Variants in DAB1 observed in about 807,000 individuals in gnomAD.
The protein encoded by DAB1 is disabled homolog 1.
A neutral mutation model predicts 64.6 loss-of-function variants in DAB1; 15 were observed. The observed-to-expected ratio is 0.23, with a 90% CI of 0.16 to 0.36. The LOEUF is 0.36. Ranked by LOEUF, DAB1 falls within the 10% of genes least tolerant of loss-of-function variation. DAB1 has a pLI of 1.00. For missense variants in DAB1, 596 were observed against 706.7 expected (o/e 0.84, Z 1.78); for synonymous variants, 235 against 251.9 (o/e 0.93, Z 0.64).
chr1:57,786,591 C>G (rs1379438173), intron 6 of DAB1, among the ~76,000 whole-genome samples: 1 of 152,186 alleles, frequency 6.6e-6, no homozygotes, highest in Non-Finnish European at 1.5e-5. Flanking sequence ...TTGCTTGACA[C>G]TGTTCATTAG....
At chr1:58,070,395 A>G (rs1267707240) in intron 5 of DAB1, among the ~76,000 whole-genome samples, 1 of 152,108 alleles carries the variant, frequency 6.6e-6, no homozygotes, top group African/African-American at 2.4e-5. Context: ...CATCACAACA[A>G]CCCCATGAGA....
At chr1:57,278,099 G>C (rs1398947464) in intron 2 of DAB1, among the ~76,000 whole-genome samples, 2 of 152,164 alleles carry the variant, frequency 1.3e-5, no homozygotes, top group Non-Finnish European at 2.9e-5. Context: ...CTTTCACTGG[G>C]GTTTTATTTG....
intron 1 of DAB1, among the ~76,000 whole-genome samples, chr1:58,544,220 C>T (rs1178633709): frequency 6.6e-6 from 1 of 152,092 alleles, no homozygotes; most frequent in Non-Finnish European, 1.5e-5. Context: ...CGACCTTAAC[C>T]AAACATTCAG....
intron 9 of DAB1, among the ~76,000 whole-genome samples, chr1:57,057,182 A>G (rs921223260): frequency 2.6e-5 from 4 of 152,184 alleles, no homozygotes; most frequent in Non-Finnish European, 5.9e-5. Context: ...GATAATGGCC[A>G]AAAGTAGAGA....
intron 7 of DAB1, among the ~76,000 whole-genome samples, chr1:57,615,267 T>C (rs1226752491): frequency 6.6e-6 from 1 of 152,230 alleles, no homozygotes; most frequent in African/African-American, 2.4e-5. Flanking sequence ...CGTGTCCACA[T>C]GACTAAGTTC....
chr1:57,071,436 C>A, intron 6 of DAB1, 86 bp downstream of exon 6: 1 of 1,455,786 alleles, frequency 6.9e-7, no homozygotes, highest in South Asian at 1.3e-5. Flanking sequence ...TACTTGGCAG[C>A]AGGAAGAGAA....
At chr1:57,312,850 C>T (rs1234053558) in intron 1 of DAB1, among the ~76,000 whole-genome samples, 11 of 152,076 alleles carry the variant, frequency 7.2e-5, no homozygotes, top group Non-Finnish European at 1.5e-5. Flanking sequence ...TGTTTCTCCA[C>T]TTGCTCATTA....
At chr1:58,205,783 A>G (rs1438285771) in intron 4 of DAB1, among the ~76,000 whole-genome samples, 3 of 151,966 alleles carry the variant, frequency 2.0e-5, no homozygotes, top group African/African-American at 7.3e-5. Context: ...AAAGACCAAG[A>G]TTGTGCATAG....
Position 58,088,737 on chromosome 1 carries a change from G to C in DAB1, n.387+61774C>G, listed in dbSNP as rs149970922. Among the ~76,000 whole-genome samples the C allele has an allele frequency of 8.3e-3, 1,262 of 152,218 alleles. 23 individuals carry two copies. The highest frequency in any genetic ancestry group is 0.026 in the African/African-American group (1,100 of 41,520). ...GCATACCATCCAAGCACAGTGCCAG[G>C]CATTAGGAAAGGGTGTCAAATAAGA... On this transcript the variant is annotated intron_variant and non_coding_transcript_variant, in intron 5 of 20. Coordinates refer to the DAB1 transcript ENST00000485760.
intron 6 of DAB1, among the ~76,000 whole-genome samples, chr1:57,658,902 C>T (rs1646350822): frequency 6.6e-6 from 1 of 152,168 alleles, no homozygotes; most frequent in Non-Finnish European, 1.5e-5. Context: ...GACTATGGAC[C>T]TCTCAGTTGT....
chr1:58,093,100 G>A (rs1315966600), intron 5 of DAB1, among the ~76,000 whole-genome samples: 1 of 152,132 alleles, frequency 6.6e-6, no homozygotes, highest in South Asian at 2.1e-4. Context: ...TTTGCTGGGA[G>A]CGCCAGACTA....
chr1:57,366,431 C>T (rs1680001240), intron 1 of DAB1, among the ~76,000 whole-genome samples: 1 of 152,094 alleles, frequency 6.6e-6, no homozygotes, highest in Non-Finnish European at 1.5e-5. Context: ...TCAGTAAGTC[C>T]CCTGGAGCAA....
intron 3 of DAB1, among the ~76,000 whole-genome samples, chr1:58,410,718 G>T (rs990373426): frequency 6.6e-6 from 1 of 152,032 alleles, no homozygotes; most frequent in Non-Finnish European, 1.5e-5. Flanking sequence ...CTATTCCTGC[G>T]CTTAGAAGTA....
At chr1:57,769,162 C>T (rs1649451155) in intron 6 of DAB1, among the ~76,000 whole-genome samples, 1 of 152,104 alleles carries the variant, frequency 6.6e-6, no homozygotes, top group African/African-American at 2.4e-5. Flanking sequence ...AAAATGAATG[C>T]ACGAAATAAC....
chr1:58,482,523 G>C (rs1645505443), intron 3 of DAB1, among the ~76,000 whole-genome samples: 1 of 151,772 alleles, frequency 6.6e-6, no homozygotes, highest in Non-Finnish European at 1.5e-5. Context: ...GACATTTAGG[G>C]GAAAAAGCTA....
At chr1:58,020,613 T>TA (rs1646801672) in intron 5 of DAB1, among the ~76,000 whole-genome samples, 2 of 151,790 alleles carry the variant, frequency 1.3e-5, no homozygotes, top group Non-Finnish European at 2.9e-5. Flanking sequence ...GCAGGTTCTG[T>TA]AAAAAAAAGT....
At chr1:58,219,760 T>G (rs370748205) in intron 4 of DAB1, among the ~76,000 whole-genome samples, 119 of 152,334 alleles carry the variant, frequency 7.8e-4, no homozygotes, top group African/African-American at 2.6e-3. Context: ...CTGTTACAAA[T>G]GATCACTGCA....
chr1:57,754,820 T>C (rs924918059), intron 6 of DAB1, among the ~76,000 whole-genome samples: 1 of 152,186 alleles, frequency 6.6e-6, no homozygotes, highest in African/African-American at 2.4e-5. Context: ...TATATCTGAC[T>C]CCAGGCCTCC....
chr1:58,171,172 A>G (rs1363376370), intron 4 of DAB1, among the ~76,000 whole-genome samples: 4 of 152,170 alleles, frequency 2.6e-5, no homozygotes, highest in Admixed American at 2.6e-4. Flanking sequence ...GGAACAAGTT[A>G]CCCATTTGTT....
Sources: gnomAD v4.1 joint callset for allele counts (sites outside exome capture counted in the v4.1 genomes callset) on GRCh38, gnomAD v4.1.1 for gene constraint, MANE v1.5 for transcripts, NCBI Gene and HGNC (gene_info 2026-07-23, HGNC 2026-07-21) for gene names.